NBEA: variants seen among roughly 807,000 people sequenced by gnomAD.
NBEA encodes the protein neurobeachin.
NBEA carries 44 observed loss-of-function variants against 343.4 expected under a neutral mutation model. That is an observed-to-expected ratio of 0.13 (90% CI 0.10 to 0.16). NBEA has a LOEUF of 0.16. Ranked by LOEUF, NBEA falls within the 10% of genes least tolerant of loss-of-function variation. The pLI, the probability that NBEA is intolerant of heterozygous loss-of-function variation, is 1.00. For synonymous variants in NBEA, 1,175 were observed against 1,238.7 expected (o/e 0.95, Z 1.08); for missense variants, 2,555 against 3,631.3 (o/e 0.70, Z 7.62).
intron 1 of NBEA, among the ~76,000 whole-genome samples, chr13:34,982,908 T>C (rs2060408031): frequency 6.6e-6 from 1 of 152,202 alleles, no homozygotes; most frequent in East Asian, 1.9e-4. Flanking sequence ...GAATTTTCTT[T>C]CTCCTTTTAA....
intron 33 of NBEA, among the ~76,000 whole-genome samples, chr13:35,216,872 T>C (rs1453036816): frequency 6.6e-6 from 1 of 151,968 alleles, no homozygotes; most frequent in African/African-American, 2.4e-5. Flanking sequence ...GGACATCTGT[T>C]TTTATGTGAA....
chr13:35,248,106 A>T (rs73489525), intron 34 of NBEA, among the ~76,000 whole-genome samples: 1 of 152,218 alleles, frequency 6.6e-6, no homozygotes, highest in Non-Finnish European at 1.5e-5. Flanking sequence ...TTGCAAACTC[A>T]TAATATAAGG....
At chr13:34,963,828 C>A (rs1458977799) in intron 1 of NBEA, among the ~76,000 whole-genome samples, 1 of 151,526 alleles carries the variant, frequency 6.6e-6, no homozygotes, top group Non-Finnish European at 1.5e-5. Context: ...AAAGAAAACA[C>A]CTTTAAAAAA....
chr13:35,500,986 A>G (rs1196880269), intron 41 of NBEA, among the ~76,000 whole-genome samples: 1 of 152,150 alleles, frequency 6.6e-6, no homozygotes, highest in African/African-American at 2.4e-5. Context: ...AAGAGACAAT[A>G]GAATTCTGCT....
At chr13:35,131,968 A>T (rs186855846) in intron 17 of NBEA, among the ~76,000 whole-genome samples, 1 of 152,338 alleles carries the variant, frequency 6.6e-6, no homozygotes. Flanking sequence ...GAACTGAACG[A>T]AAACAAAACC....
At chr13:35,192,833 G>A (rs1023673643) in intron 30 of NBEA, among the ~76,000 whole-genome samples, 2 of 151,900 alleles carry the variant, frequency 1.3e-5, no homozygotes, top group Non-Finnish European at 2.9e-5. Flanking sequence ...CTAGTGAAAT[G>A]CTTATATTCC....
At chr13:35,523,458 A>T (rs1228483164) in intron 41 of NBEA, among the ~76,000 whole-genome samples, 1 of 152,130 alleles carries the variant, frequency 6.6e-6, no homozygotes, top group Admixed American at 6.5e-5. Context: ...TCAGCTGGAG[A>T]GGTCTAGTGG....
intron 1 of NBEA, among the ~76,000 whole-genome samples, chr13:34,968,056 C>T (rs1018453756): frequency 5.9e-5 from 9 of 152,040 alleles, no homozygotes; most frequent in Non-Finnish European, 1.5e-5. Context: ...ACTAGAATGA[C>T]TCAGAGTTCA....
rs760569946 is a variant in NBEA, at chr13:35,161,819, C to A, written c.3931C>A (p.Pro1311Thr). ...LRVDLGFRGM[P>T]MTEEQRRQFS... The stretch of plus-strand genomic sequence containing the variant: ...AGTTGATTTAGGATTTCGAGGAATG[C>A]CAATGACTGAGGAACAGCGACGCCA... Residue 1311 changes from proline to threonine, a missense_variant, in exon 23 of 59, where the codon CCA becomes ACA. By Grantham distance (38) the Pro-to-Thr change is conservative. This residue lies in a region of NBEA where 69 missense variants were observed against 128.8 expected (regional missense o/e 0.54). Coordinates refer to ENST00000379939, the MANE Select transcript of NBEA (RefSeq NM_001385012.1). The A allele has an allele frequency of 3.1e-6, 5 of 1,612,278 alleles. No individual in the cohort carries two copies. The highest frequency in any genetic ancestry group is 4.2e-6 in the Non-Finnish European group (5 of 1,179,244).
chr13:35,078,361 A>T (rs773970212), intron 10 of NBEA, among the ~76,000 whole-genome samples: 3 of 152,228 alleles, frequency 2.0e-5, no homozygotes, highest in Non-Finnish European at 2.9e-5. Context: ...TTGTTTTTTC[A>T]TAACTGGTTG....
chr13:35,171,697 A>G (rs2070477027), intron 26 of NBEA, among the ~76,000 whole-genome samples: 1 of 152,078 alleles, frequency 6.6e-6, no homozygotes, highest in South Asian at 2.1e-4. Flanking sequence ...ATCAAGAGTG[A>G]AATATACTTG....
At chr13:34,999,223 A>G (rs998511882) in intron 1 of NBEA, among the ~76,000 whole-genome samples, 3 of 152,176 alleles carry the variant, frequency 2.0e-5, no homozygotes, top group Non-Finnish European at 4.4e-5. Context: ...TTGTGGGTAT[A>G]TAATATGGGG....
intron 39 of NBEA, among the ~76,000 whole-genome samples, chr13:35,449,729 A>G (rs1194467117): frequency 2.0e-5 from 3 of 152,206 alleles, no homozygotes; most frequent in Non-Finnish European, 4.4e-5. Flanking sequence ...ATCTATCCCT[A>G]ATCTTTTATT....
intron 40 of NBEA, among the ~76,000 whole-genome samples, chr13:35,461,690 T>TG (rs1329141375): frequency 6.6e-6 from 1 of 152,078 alleles, no homozygotes; most frequent in Non-Finnish European, 1.5e-5. Context: ...TACCTAAGAG[T>TG]GTCCTGGTCC....
chr13:35,391,864 G>T (rs548303642), intron 38 of NBEA, among the ~76,000 whole-genome samples: 64 of 152,176 alleles, frequency 4.2e-4, no homozygotes, highest in African/African-American at 1.4e-3. Context: ...CTTTTCCTCA[G>T]ATATAATTAT....
At chr13:35,543,527 A>AT (rs548504657) in intron 41 of NBEA, among the ~76,000 whole-genome samples, 65 of 151,362 alleles carry the variant, frequency 4.3e-4, no homozygotes, top group East Asian at 5.8e-4. Flanking sequence ...TTGCAAAAGG[A>AT]TTTTTTTTTC....
At chr13:35,312,898 G>A (rs935946830) in intron 36 of NBEA, among the ~76,000 whole-genome samples, 4 of 152,166 alleles carry the variant, frequency 2.6e-5, no homozygotes, top group Non-Finnish European at 5.9e-5. Flanking sequence ...CACTGAACTT[G>A]TGGTACCAGT....
intron 1 of NBEA, among the ~76,000 whole-genome samples, chr13:34,982,183 CACTGTATA>C (rs1310664527): frequency 2.6e-5 from 4 of 152,116 alleles, no homozygotes; most frequent in African/African-American, 9.7e-5. Flanking sequence ...TCTTTTCTAA[CACTGTATA>C]ACTTCCTCTA....
intron 1 of NBEA, among the ~76,000 whole-genome samples, chr13:35,020,628 C>T (rs1566172792): frequency 2.0e-5 from 3 of 152,204 alleles, no homozygotes; most frequent in African/African-American, 7.2e-5. Context: ...AAGCAATTCT[C>T]GTGCCTCAGC....
Sources: allele counts gnomAD v4.1 joint callset (sites outside exome capture counted in the v4.1 genomes callset), GRCh38; gene constraint gnomAD v4.1.1; regional missense constraint gnomAD v4.1.1; transcripts MANE v1.5; gene names NCBI Gene and HGNC (gene_info 2026-07-23, HGNC 2026-07-21).